ZNF618: variants seen among roughly 807,000 people sequenced by gnomAD.
ZNF618 encodes neural precursor cell expressed, developmentally down-regulated 10.
A neutral mutation model predicts 103.0 loss-of-function variants in ZNF618; 34 were observed. That is an observed-to-expected ratio of 0.33 (90% confidence interval 0.25 to 0.44). The LOEUF is 0.44. ZNF618 is among the 20% of genes least tolerant of loss of function. The pLI is 1.00. For missense variants in ZNF618, 1,059 were observed against 1,295.4 expected, an observed-to-expected ratio of 0.82 and a Z score of 2.80; for synonymous variants, 551 against 542.2, an observed-to-expected ratio of 1.02 and a Z score of -0.23.
intron 1 of ZNF618, among the ~76,000 whole-genome samples, chr9:113,951,931 A>G (rs1265595253): frequency 6.6e-6 from 1 of 152,122 alleles, no homozygotes; most frequent in Non-Finnish European, 1.5e-5. Flanking sequence ...TCATTCAGAC[A>G]TTGATGAGCT....
chr9:113,905,712 G>A (rs534227736), intron 1 of ZNF618, among the ~76,000 whole-genome samples: 19 of 152,318 alleles, frequency 1.2e-4, no homozygotes, highest in Non-Finnish European at 1.9e-4. Flanking sequence ...CACATGCGCT[G>A]ATCAGCACTT....
rs368749246 is a variant in ZNF618 at position 113,976,166 on chromosome 9, C to T, written c.77+7006C>T. On this transcript the variant is annotated intron_variant, in intron 2 of 14. Transcript: ENST00000374126. ...ACCACAATTCACGTCCATCAAGATC[C>T]GTGAGTTGTTTGTGCCAAAGGGCAC... 5.9e-5 allele frequency among the ~76,000 whole-genome samples: 9 copies of T among 152,282 alleles called. No individual in the cohort carries two copies. In the East Asian group the frequency reaches 1.2e-3, roughly 20 times the overall value.
rs376125432 is a variant in ZNF618 at position 113,928,605 on chromosome 9, A to T, written c.34-40512A>T. 1.3e-4 allele frequency among the ~76,000 whole-genome samples: 20 copies of T among 152,270 alleles called. No homozygotes were observed. The East Asian group carries it at 2.9e-3, about 22-fold the overall frequency. The stretch of plus-strand genomic sequence containing the variant: ...TGTGTTTAATGTTCGCTGTAGCTGG[A>T]GATGCCAGAAGCTTCAATTTCCTCT... On this transcript the variant is annotated intron_variant, in intron 1 of 14. Transcript: ENST00000374126.
chr9:114,031,508 T>A (rs1369089636), intron 11 of ZNF618, among the ~76,000 whole-genome samples: 1 of 152,184 alleles, frequency 6.6e-6, no homozygotes, highest in Non-Finnish European at 1.5e-5. Flanking sequence ...TCCGCAACCC[T>A]GGCACCCACA....
intron 3 of ZNF618, among the ~76,000 whole-genome samples, chr9:113,992,198 G>T (rs7031814): frequency 2.0e-5 from 3 of 151,854 alleles, no homozygotes; most frequent in African/African-American, 4.8e-5. Flanking sequence ...TTGATTGTTG[G>T]TGTCTGCCCT....
chr9:113,992,545 TGGC>T (rs1840174417), intron 3 of ZNF618, among the ~76,000 whole-genome samples: 1 of 152,078 alleles, frequency 6.6e-6, no homozygotes, highest in Non-Finnish European at 1.5e-5. Context: ...CTGGGGCACT[TGGC>T]GGGGAGTGCT....
At chr9:113,985,421 C>G (rs867615465) in intron 2 of ZNF618, among the ~76,000 whole-genome samples, 1 of 152,212 alleles carries the variant, frequency 6.6e-6, no homozygotes, top group East Asian at 1.9e-4. Flanking sequence ...CCTCTTGTGA[C>G]GTGCTGGACC....
At position 113,998,301 on chromosome 9, in the gene ZNF618, G is replaced by C; in HGVS notation, c.380G>C (p.Arg127Pro). 1 of 1,550,588 alleles carries C rather than the reference G, an allele frequency of 6.4e-7. No homozygotes were observed. The highest frequency in any genetic ancestry group is 8.7e-7 in the Non-Finnish European group (1 of 1,146,998). Residue 127 changes from arginine (R) to proline (P), a missense_variant, in exon 4 of 15, where the codon CGA becomes CCA. By Grantham distance (103) the Arg-to-Pro change is moderately radical. Coordinates refer to ENST00000374126, the MANE Select transcript of ZNF618 (RefSeq NM_001318042.2). The stretch of plus-strand genomic sequence containing the variant: ...GGCAGCCCCCACGGTGGATCTGTGC[G>C]AAGCCGGTATTCAGGGACCTGGATT... ...PEGSPHGGSV[R>P]SRYSGTWIFD...
intron 1 of ZNF618, among the ~76,000 whole-genome samples, chr9:113,935,096 G>T (rs1001427445): frequency 1.3e-5 from 2 of 152,226 alleles, no homozygotes; most frequent in African/African-American, 2.4e-5. Context: ...GACCTCAGTG[G>T]CCTGGCTGAA....
At chr9:113,893,232 C>G (rs1239646149) in intron 1 of ZNF618, among the ~76,000 whole-genome samples, 2 of 152,174 alleles carry the variant, frequency 1.3e-5, no homozygotes, top group Non-Finnish European at 2.9e-5. Context: ...TGTCCAACCC[C>G]AAAGCCTATG....
At position 113,951,551 on chromosome 9, in the gene ZNF618, A is replaced by ATATATGTG. The variant is rs1430133742; in HGVS notation, c.34-17565_34-17564insATATGTGT. Among the ~76,000 whole-genome samples the ATATATGTG allele has an allele frequency of 2.3e-4, 12 of 51,232 alleles. No homozygotes were observed. The East Asian group carries it at 4.4e-3, about 19-fold the overall frequency. The allele number at this position is 51,232 out of a possible 152,430, so 33.6% of individuals were successfully genotyped here. A position where few individuals can be genotyped will look rare whatever the true frequency, so the allele number is the denominator to read the frequency against. On this transcript the variant is annotated intron_variant, in intron 1 of 14. Transcript: ENST00000374126. ...CATATGTGTGTACATATGTACACAT[A>ATATATGTG]TGTGTGTGTATATGTGTGTGTGTAT...
In ZNF618 at chr9:114,051,108, C is replaced by A. The variant is rs146386581; in HGVS notation, c.*941C>A. 1.5e-3 allele frequency: 232 copies of A among 152,692 alleles called. No homozygotes were observed. Among genetic ancestry groups the A allele is most frequent in the African/African-American group, 5.5e-3 (228 of 41,552 alleles). The allele number at this position is 152,692 out of a possible 1,614,324, so 9.5% of individuals were successfully genotyped here. On this transcript the variant is annotated 3_prime_UTR_variant, in exon 15 of 15. Transcript: ENST00000374126. ...CCTTGTTTGGGGGTTCATTTTGTTT[C>A]TTCAGATTTGATTTAGACTCTGCTA... is the stretch of plus-strand genomic sequence containing the variant.
At chr9:114,011,379 G>C (rs1331585489) in intron 9 of ZNF618, among the ~76,000 whole-genome samples, 2 of 152,254 alleles carry the variant, frequency 1.3e-5, no homozygotes, top group African/African-American at 4.8e-5. Flanking sequence ...AAGTCTGACA[G>C]ACAGCCAACG....
intron 1 of ZNF618, among the ~76,000 whole-genome samples, chr9:113,914,875 C>G (rs1003792638): frequency 2.0e-5 from 3 of 152,302 alleles, no homozygotes; most frequent in Admixed American, 1.3e-4. Context: ...GCGAGCTTGA[C>G]TGGCCCCCTC....
intron 1 of ZNF618, among the ~76,000 whole-genome samples, chr9:113,942,532 G>A (rs1486062710): frequency 6.6e-6 from 1 of 152,148 alleles, no homozygotes; most frequent in African/African-American, 2.4e-5. Flanking sequence ...AGTCTTCTCT[G>A]TATCCATAGC....
At chr9:114,008,802 A>T (rs1441640158) in intron 9 of ZNF618, among the ~76,000 whole-genome samples, 1 of 152,190 alleles carries the variant, frequency 6.6e-6, no homozygotes, top group Non-Finnish European at 1.5e-5. Context: ...GCTACTGCTT[A>T]CAGGCTTGGT....
At chr9:113,984,989 C>G (rs953479677) in intron 2 of ZNF618, among the ~76,000 whole-genome samples, 4 of 152,224 alleles carry the variant, frequency 2.6e-5, no homozygotes, top group African/African-American at 9.6e-5. Flanking sequence ...AACACCTATG[C>G]CACATAAACT....
rs536907332 is a variant in ZNF618 at position 113,959,948 on chromosome 9, G to A, written c.34-9169G>A. On this transcript the variant is annotated intron_variant, in intron 1 of 14. Transcript: ENST00000374126. The stretch of plus-strand genomic sequence containing the variant: ...ACGTCGTGACTCAGGCCTCAGGTTT[G>A]GAGGTGAATTCTTCTATTCTTCCAT... 2.6e-4 allele frequency among the ~76,000 whole-genome samples: 40 copies of A among 152,318 alleles called. No homozygotes were observed. In the South Asian group the frequency reaches 7.9e-3, roughly 30 times the overall value.
At chr9:113,940,771 A>G (rs145142440) in intron 1 of ZNF618, among the ~76,000 whole-genome samples, 1,655 of 152,266 alleles carry the variant, frequency 0.011, 43 homozygotes, top group African/African-American at 0.037. Flanking sequence ...AGCTTTCGTC[A>G]TTGATAACAT....
Sources: gnomAD v4.1 joint callset for allele counts (sites outside exome capture counted in the v4.1 genomes callset) on GRCh38, gnomAD v4.1.1 for gene constraint, MANE v1.5 for transcripts, NCBI Gene and HGNC (gene_info 2026-07-23, HGNC 2026-07-21) for gene names.